Variants in ZFHX2 observed in about 807,000 individuals in gnomAD.
ZFHX2 encodes the protein zinc finger homeobox protein 2.
Under a neutral mutation model 164.8 loss-of-function variants are expected in ZFHX2, and 75 were observed. The ratio of observed to expected loss-of-function variants is 0.46; its 90% CI spans 0.38 to 0.55. The LOEUF (loss-of-function observed/expected upper bound fraction) is 0.55, where lower values mean the gene tolerates loss of function less well. ZFHX2 is among the 20% of genes least tolerant of loss of function. The pLI, the probability that ZFHX2 is intolerant of heterozygous loss-of-function variation, is 0.00. For missense variants in ZFHX2, 2,933 were observed against 3,308.0 expected (o/e 0.89, Z 2.78); for synonymous variants, 1,217 against 1,351.4 (o/e 0.90, Z 2.18).
intron 1 of ZFHX2, among the ~76,000 whole-genome samples, chr14:23,536,122 A>C (rs960279955): frequency 6.6e-6 from 1 of 152,208 alleles, no homozygotes; most frequent in Admixed American, 6.5e-5. Context: ...CACAGAAGGC[A>C]GGCCATTATC....
chr14:23,531,565 G>A lies in ZFHX2; in HGVS notation c.2716C>T (p.Leu906=). The A allele has an allele frequency of 6.6e-7, 1 of 1,525,120 alleles. No homozygotes were observed. The highest frequency in any genetic ancestry group is 8.8e-7 in the Non-Finnish European group (1 of 1,139,998). 94.5% of individuals were successfully genotyped at this position (1,525,120 alleles called of 1,614,324 possible). The change falls in exon 4 of 10, where the codon CTA becomes TTA. Residue 906 remains leucine (L), a synonymous_variant. Coordinates refer to ENST00000419474, the MANE Select transcript of ZFHX2 (RefSeq NM_033400.3). ...TCCTCAGTGGTTGGGCCATTCTGTA[G>A]CAGCTGCAGACGCCTCTGGGCCTGG... ...DAQAQRRLQL[L]QNGPTTEEGL...
Position 23,526,650 on chromosome 14 carries a change from G to A in ZFHX2, c.3292C>T (p.Pro1098Ser). ...EGPNLTPEAS[P>S]DPLPEPPLAS... ...AGGGGAGGCTCAGGAAGAGGATCTG[G>A]ACTGGCTTCTGGGGTCAGGTTAGGG... Residue 1098 changes from proline to serine, a missense_variant, in exon 9 of 10, where the codon CCA (proline) becomes TCA (serine). By Grantham distance (74) the Pro-to-Ser change is moderately conservative. Coordinates refer to ENST00000419474, the MANE Select transcript of ZFHX2 (RefSeq NM_033400.3). The A allele has an allele frequency of 2.0e-6, 3 of 1,535,992 alleles. No individual in the cohort carries two copies. Among genetic ancestry groups the A allele is most frequent in the Non-Finnish European group, 2.6e-6 (3 of 1,146,898 alleles).
chr14:23,533,229 C>G lies in ZFHX2; in HGVS notation c.2041+56G>C. ...GGGAGTTGGTCCTTGGGAGAAAGCA[C>G]GGAATAGAGTTTGGCCCTGGGGAGG... On this transcript the variant is annotated intron_variant, in intron 2 of 9. Coordinates refer to ENST00000419474, the MANE Select transcript of ZFHX2 (RefSeq NM_033400.3). The surrounding 1 kb of genome is among the most constrained non-coding windows in gnomAD (Gnocchi z 4.8). The G allele has an allele frequency of 2.8e-6, 4 of 1,435,314 alleles. No homozygotes were observed. Among genetic ancestry groups the G allele is most frequent in the Non-Finnish European group, 3.6e-6 (4 of 1,099,326 alleles). The allele number at this position is 1,435,314 out of a possible 1,614,324, so 88.9% of individuals were successfully genotyped here.
Position 23,535,292 on chromosome 14 carries a change from T to A in ZFHX2, c.34A>T (p.Thr12Ser). The A allele has an allele frequency of 6.8e-7, 1 of 1,476,746 alleles. No individual in the cohort carries two copies. Among genetic ancestry groups the A allele is most frequent in the East Asian group, 2.5e-5 (1 of 40,232 alleles). 91.5% of individuals were successfully genotyped at this position (1,476,746 alleles called of 1,614,324 possible). Residue 12 changes from threonine to serine, a missense_variant, in exon 2 of 10, where the codon ACC becomes TCC. By Grantham distance (58) the Thr-to-Ser change is moderately conservative. Transcript: ENST00000419474. This position sits in a 1 kb window ranked among gnomAD's most constrained non-coding sequence, Gnocchi z 4.5. ...ATLNSASTTGTTPSPGHNAPS... is the reference protein window; with the variant it reads ...ATLNSASTTGSTPSPGHNAPS... ...GCATTGTGCCCAGGGGAGGGGGTGG[T>A]ACCAGTGGTAGAGGCTGAGTTAAGG... is the stretch of plus-strand genomic sequence containing the variant.
chr14:23,532,599 C>A lies in ZFHX2; in HGVS notation c.2527G>T (p.Ala843Ser). ...KEKMQLHARG[A>S]AHEENSQIYK... ...ATTTGGCTGTTTTCTTCGTGGGCTGCACCCCTGGCATGCAGCTGCATCTTC... is the reference window on the plus strand; with the variant it reads ...ATTTGGCTGTTTTCTTCGTGGGCTGAACCCCTGGCATGCAGCTGCATCTTC... The change falls in exon 3 of 10, where the codon GCA becomes TCA. Residue 843 changes from alanine (A) to serine (S), a missense_variant. By Grantham distance (99) the Ala-to-Ser change is moderately conservative. Coordinates refer to ENST00000419474, the MANE Select transcript of ZFHX2 (RefSeq NM_033400.3). 1 of 1,447,588 alleles carries A rather than the reference C, an allele frequency of 6.9e-7. No homozygotes were observed. Among genetic ancestry groups the A allele is most frequent in the Non-Finnish European group, 9.1e-7 (1 of 1,103,668 alleles). The allele number at this position is 1,447,588 out of a possible 1,614,324, so 89.7% of individuals were successfully genotyped here.
rs1458558951 is a variant in ZFHX2, at chr14:23,526,903, C to T, written c.3206G>A (p.Gly1069Asp). 4 of 1,534,532 alleles carry T rather than the reference C, an allele frequency of 2.6e-6. No homozygotes were observed. The South Asian group carries it at 3.6e-5, about 14-fold the overall frequency. Residue 1069 changes from glycine to aspartate, a missense_variant, in exon 8 of 10, where the codon GGC becomes GAC. Physicochemically the swap from Gly to Asp is moderately conservative, Grantham distance 94. Transcript: ENST00000419474. ...SAPTLSPLDN[G>D]QEPPTHGPEP... ...TGGCCCATGAGTGGGGGGTTCTTGG[C>T]CATTGTCCAGAGGGCTTAATGTGGG...
rs2138692963 is a variant in ZFHX2 at position 23,526,343 on chromosome 14, A to T, written c.3599T>A (p.Phe1200Tyr). The T allele has an allele frequency of 6.5e-7, 1 of 1,536,290 alleles. No individual in the cohort carries two copies. The highest frequency in any genetic ancestry group is 1.2e-5 in the South Asian group (1 of 84,052). ...AACCAACAGAATATTCTTCTGGGTG[A>T]AGGACTCCTTACACACAGTGCACTT... ...PYKCTVCKES[F>Y]TQKNILLVHY... is the part of the protein sequence containing the mutation. Residue 1200 changes from phenylalanine (F) to tyrosine (Y), a missense_variant, in exon 9 of 10, where the codon TTC becomes TAC. By Grantham distance (22) the Phe-to-Tyr change is conservative. Coordinates refer to ENST00000419474, the MANE Select transcript of ZFHX2 (RefSeq NM_033400.3).
Position 23,527,818 on chromosome 14 carries a change from A to C in ZFHX2, c.2935-14T>G. 6.6e-7 allele frequency: 1 copy of C among 1,514,148 alleles called. No individual in the cohort carries two copies. Among genetic ancestry groups the C allele is most frequent in the Non-Finnish European group, 8.8e-7 (1 of 1,133,350 alleles). 93.8% of individuals were successfully genotyped at this position (1,514,148 alleles called of 1,614,324 possible). ...ACAGCAGTATACCTGGAGGGAACAT[A>C]TGGGCAGTGGACGAAGTGTCAGGGA... On this transcript the variant is annotated splice_polypyrimidine_tract_variant and intron_variant, in intron 6 of 9. Coordinates refer to ENST00000419474, the MANE Select transcript of ZFHX2 (RefSeq NM_033400.3).
intron 6 of ZFHX2, chr14:23,528,800 A>T (rs1879128743): frequency 1.0e-6 from 1 of 985,402 alleles, no homozygotes. Context: ...CCACACTTCC[A>T]GAGGGGTGAG....
Position 23,530,483 on chromosome 14 carries a change from A to G in ZFHX2, c.2801-289T>C, listed in dbSNP as rs1261654261. ...AGACAGCAGAAACAAGACCAAACTC[A>G]GCTCCCTGTCTTAAATGACCCAGGA... On this transcript the variant is annotated intron_variant, in intron 4 of 9. Coordinates refer to ENST00000419474, the MANE Select transcript of ZFHX2 (RefSeq NM_033400.3). The G allele has an allele frequency of 2.5e-5, 15 of 611,550 alleles. No homozygotes were observed. The East Asian group carries it at 5.2e-4, about 21-fold the overall frequency. 37.9% of individuals were successfully genotyped at this position (611,550 alleles called of 1,614,324 possible).
chr14:23,530,259 C>T lies in ZFHX2; in HGVS notation c.2801-65G>A. On this transcript the variant is annotated intron_variant, in intron 4 of 9. Transcript: ENST00000419474. Reference sequence around the variant, plus strand: ...GCATCAGGGAAGGGAGGACATAGGACAGAGGAAGCAGGACAAGCAGCCAGT... The same window carrying T: ...GCATCAGGGAAGGGAGGACATAGGATAGAGGAAGCAGGACAAGCAGCCAGT... 2.4e-6 allele frequency: 3 copies of T among 1,231,990 alleles called. 1 individual carries two copies. The Middle Eastern group carries it at 5.5e-4, about 227-fold the overall frequency. The allele number at this position is 1,231,990 out of a possible 1,614,324, so 76.3% of individuals were successfully genotyped here.
rs139896549 is a variant in ZFHX2, at chr14:23,546,774, A to G, written c.-50+4569T>C. ...GTTTCTAACGGTGAGGTAAAGGACCACTGTGTCGACAGCCTGTCGCTTGCT... is the reference window on the plus strand; with the variant it reads ...GTTTCTAACGGTGAGGTAAAGGACCGCTGTGTCGACAGCCTGTCGCTTGCT... On this transcript the variant is annotated intron_variant, in intron 1 of 9. Transcript: ENST00000419474. This position sits in a 1 kb window ranked among gnomAD's most constrained non-coding sequence, Gnocchi z 4.7. Among the ~76,000 whole-genome samples the G allele has an allele frequency of 1.8e-3, 270 of 152,266 alleles. 1 individual carries two copies. The highest frequency in any genetic ancestry group is 6.3e-3 in the African/African-American group (262 of 41,558).
Position 23,533,765 on chromosome 14 carries a change from CT to C in ZFHX2, c.1560del (p.Gly521AlafsTer68). ...CDVCNYSTTT[K>X]GNLSIHMQSD... ...GACTGCATATGGATGCTGAGGTTGC[CT>C]TTGGTGGTTGTAGAGTAGTTGCAGA... On this transcript the variant is annotated frameshift_variant, in exon 2 of 10. Transcript: ENST00000419474. LOFTEE classifies it high-confidence loss of function. This position sits in a 1 kb window ranked among gnomAD's most constrained non-coding sequence, Gnocchi z 4.8. The C allele has an allele frequency of 6.4e-7, 1 of 1,558,246 alleles. No individual in the cohort carries two copies. The highest frequency in any genetic ancestry group is 8.6e-7 in the Non-Finnish European group (1 of 1,158,730).
In ZFHX2 at chr14:23,534,309, T is replaced by A. The variant is rs1879919054; in HGVS notation, c.1017A>T (p.Glu339Asp). The A allele has an allele frequency of 6.5e-7, 1 of 1,535,536 alleles. No homozygotes were observed. Among genetic ancestry groups the A allele is most frequent in the African/African-American group, 1.4e-5 (1 of 73,004 alleles). ...GAGAGGGTGGGCTGAGGGCCATAACTTCTTCATCCAGGAGGATAAGGGCCT... is the reference window on the plus strand; with the variant it reads ...GAGAGGGTGGGCTGAGGGCCATAACATCTTCATCCAGGAGGATAAGGGCCT... ...EVQALILLDE[E>D]VMALSPPSPP... The change falls in exon 2 of 10, where the codon GAA becomes GAT. Residue 339 changes from glutamate (E) to aspartate (D), a missense_variant. Glu to Asp is a conservative substitution (Grantham distance 45, BLOSUM62 2). Coordinates refer to ENST00000419474, the MANE Select transcript of ZFHX2 (RefSeq NM_033400.3). The surrounding 1 kb of genome is among the most constrained non-coding windows in gnomAD (Gnocchi z 4.5).
Position 23,531,494 on chromosome 14 carries a change from C to T in ZFHX2, c.2787G>A (p.Gln929=), listed in dbSNP as rs1314226692. ...LQSILSFSHG[Q]LRTPGKAPVT... ...CTTCTTCCTCACCGGGAGTCCGGAG[C>T]TGCCCGTGGCTGAAGCTCAGGATGC... The change falls in exon 4 of 10, where the codon CAG becomes CAA. Residue 929 remains glutamine (Q), a synonymous_variant. Transcript: ENST00000419474. The T allele has an allele frequency of 7.0e-7, 1 of 1,425,100 alleles. No individual in the cohort carries two copies. Among genetic ancestry groups the T allele is most frequent in the Admixed American group, 2.4e-5 (1 of 41,272 alleles). The allele number at this position is 1,425,100 out of a possible 1,614,324, so 88.3% of individuals were successfully genotyped here.
At position 23,534,515 on chromosome 14, in the gene ZFHX2, G is replaced by T; in HGVS notation, c.811C>A (p.Leu271Met). The stretch of plus-strand genomic sequence containing the variant: ...TGGAGTACAGCTGGGCTACCTGACA[G>T]GCCCTGATATTGGGCAGGGGTTAGC... ...VKLTPAQYQG[L>M]SGSPAVLQEG... Residue 271 changes from leucine to methionine, a missense_variant, in exon 2 of 10, where the codon CTG becomes ATG. Coordinates refer to ENST00000419474, the MANE Select transcript of ZFHX2 (RefSeq NM_033400.3). The surrounding 1 kb of genome is among the most constrained non-coding windows in gnomAD (Gnocchi z 4.5). 9 of 1,536,166 alleles carry T rather than the reference G, an allele frequency of 5.9e-6. No homozygotes were observed. Among genetic ancestry groups the T allele is most frequent in the Non-Finnish European group, 7.8e-6 (9 of 1,146,908 alleles).
rs187274627 is a variant in ZFHX2 at position 23,540,552 on chromosome 14, T to C, written c.-49-5178A>G. Among the ~76,000 whole-genome samples, 237 of 152,284 alleles carry C rather than the reference T, an allele frequency of 1.6e-3. 5 individuals carry two copies. Among genetic ancestry groups the C allele is most frequent in the Admixed American group, 0.011 (173 of 15,302 alleles). Reference sequence around the variant, plus strand: ...CCCTAGTATGGAGGATTGTTTGGTATAAACAGCAAATAAACTATAACTAGA... The same window carrying C: ...CCCTAGTATGGAGGATTGTTTGGTACAAACAGCAAATAAACTATAACTAGA... On this transcript the variant is annotated intron_variant, in intron 1 of 9. Transcript: ENST00000419474.
intron 7 of ZFHX2, 96 bp downstream of exon 7, chr14:23,527,505 CCAA>C: frequency 6.9e-7 from 1 of 1,456,282 alleles, no homozygotes; most frequent in Non-Finnish European, 9.2e-7. Flanking sequence ...CCCCCTGCCC[CCAA>C]CACATGCACC....
intron 7 of ZFHX2, 89 bp downstream of exon 7, chr14:23,527,515 C>T: frequency 6.7e-7 from 1 of 1,483,298 alleles, no homozygotes; most frequent in Non-Finnish European, 9.1e-7. Context: ...CCAACACATG[C>T]ACCTGCCTGA....
Sources: allele counts gnomAD v4.1 joint callset (sites outside exome capture counted in the v4.1 genomes callset), GRCh38; gene constraint gnomAD v4.1.1; non-coding constraint Gnocchi (gnomAD v3.1); transcripts MANE v1.5; gene names NCBI Gene and HGNC (gene_info 2026-07-23, HGNC 2026-07-21).